The following STAU1 variants were observed in gnomAD, a reference collection of about 807,000 sequenced individuals.
The protein encoded by STAU1 is staufen double-stranded RNA binding protein 1.
A neutral mutation model predicts 62.9 loss-of-function variants in STAU1; 13 were observed. The ratio of observed to expected loss-of-function variants is 0.21; its 90% CI spans 0.13 to 0.33. The LOEUF is 0.33. Ranked by LOEUF, STAU1 falls within the 10% of genes least tolerant of loss-of-function variation. STAU1 has a pLI of 1.00. For missense variants in STAU1, 571 were observed against 712.1 expected, an observed-to-expected ratio of 0.80 and a Z score of 2.25; for synonymous variants, 269 against 265.1, an observed-to-expected ratio of 1.01 and a Z score of -0.14.
chr20:49,194,531 G>T, the STAU1 span, among the ~76,000 whole-genome samples: 2 of 151,566 alleles, frequency 1.3e-5, no homozygotes, highest in African/African-American at 4.8e-5. Flanking sequence ...GGCCAAGGTG[G>T]GAGGATTGCT....
upstream of STAU1, among the ~76,000 whole-genome samples, chr20:49,190,474 G>T (rs1157092205): frequency 6.6e-6 from 1 of 152,054 alleles, no homozygotes; most frequent in East Asian, 1.9e-4. Context: ...TATAGAGACA[G>T]GGTTTTACTA....
At chr20:49,142,199 G>C (rs923621114) in intron 5 of STAU1, among the ~76,000 whole-genome samples, 1 of 152,108 alleles carries the variant, frequency 6.6e-6, no homozygotes, top group African/African-American at 2.4e-5. Flanking sequence ...TGATTCTCCT[G>C]CCTCAGCCTC....
At chr20:49,146,629 G>A (rs1195832525) in intron 5 of STAU1, among the ~76,000 whole-genome samples, 1 of 151,754 alleles carries the variant, frequency 6.6e-6, no homozygotes, top group African/African-American at 2.4e-5. Flanking sequence ...CTAAGCCCAG[G>A]GAGGTCAAGG....
the STAU1 span, among the ~76,000 whole-genome samples, chr20:49,198,453 G>A: frequency 1.3e-5 from 2 of 152,126 alleles, no homozygotes; most frequent in African/African-American, 2.4e-5. Context: ...GTTGTAGTAA[G>A]CTGAGATCAT....
At chr20:49,155,241 C>T (rs2093339990) in intron 3 of STAU1, among the ~76,000 whole-genome samples, 1 of 152,108 alleles carries the variant, frequency 6.6e-6, no homozygotes, top group South Asian at 2.1e-4. Context: ...CACACAAGGC[C>T]CACAAAATAT....
At chr20:49,132,016 C>CA (rs1357664493) in intron 6 of STAU1, among the ~76,000 whole-genome samples, 1 of 151,318 alleles carries the variant, frequency 6.6e-6, no homozygotes, top group Non-Finnish European at 1.5e-5. Flanking sequence ...AGTGAGCCTC[C>CA]AAAATGGATG....
intron 3 of STAU1, among the ~76,000 whole-genome samples, chr20:49,162,429 G>A (rs1309093814): frequency 2.0e-5 from 3 of 152,114 alleles, no homozygotes; most frequent in Admixed American, 2.0e-4. Context: ...GGAATTGTGG[G>A]GGTGGCATGG....
rs368691127 is a variant in STAU1, at chr20:49,173,579, G to A, written c.-85+616C>T. On this transcript the variant is annotated intron_variant, in intron 2 of 13. Coordinates refer to ENST00000371856, the MANE Select transcript of STAU1 (RefSeq NM_017453.4). Reference sequence around the variant, plus strand: ...CCTCATCCTCAAAGTAGGTTAACTTGTCTACTAATTACTACCTCAGAGATA... The same window carrying A: ...CCTCATCCTCAAAGTAGGTTAACTTATCTACTAATTACTACCTCAGAGATA... Among the ~76,000 whole-genome samples, 15 of 151,844 alleles carry A rather than the reference G, an allele frequency of 9.9e-5. 1 individual carries two copies. The highest frequency in any genetic ancestry group is 8.3e-4 in the South Asian group (4 of 4,824).
At chr20:49,140,216 G>T (rs1047117891) in intron 5 of STAU1, among the ~76,000 whole-genome samples, 1 of 151,536 alleles carries the variant, frequency 6.6e-6, no homozygotes, top group African/African-American at 2.4e-5. Flanking sequence ...AATAGAAAAT[G>T]TAAAATGGTA....
chr20:49,179,098 T>C (rs1869121501), intron 1 of STAU1: 1 of 131,380 alleles, frequency 7.6e-6, no homozygotes, highest in South Asian at 2.4e-4. Context: ...AAAAAAAAAA[T>C]TAGCCAGGCA....
the STAU1 span, among the ~76,000 whole-genome samples, chr20:49,208,650 C>T: frequency 0.11 from 15,954 of 149,780 alleles, 1,070 homozygotes; most frequent in Non-Finnish European, 0.15. Context: ...GACAGAGTCT[C>T]GCTCTGTCGC....
At position 49,166,128 on chromosome 20, in the gene STAU1, TG is replaced by T. The variant is rs1255595325; in HGVS notation, c.73del (p.Gln25SerfsTer8). On this transcript the variant is annotated frameshift_variant, in exon 3 of 14. Coordinates refer to ENST00000371856, the MANE Select transcript of STAU1 (RefSeq NM_017453.4). LOFTEE classifies it high-confidence loss of function. ...LSGSQILNKN[Q>X]SLLSQPLMSI... ...CATCAAAGGCTGTGAGAGAAGAGAC[TG>T]GTTCTTGTTCAGTATTTGGCTCCCT... is the stretch of plus-strand genomic sequence containing the variant. 1 of 1,614,202 alleles carries T rather than the reference TG, an allele frequency of 6.2e-7. No homozygotes were observed. Among genetic ancestry groups the T allele is most frequent in the South Asian group, 1.1e-5 (1 of 91,082 alleles).
intron 5 of STAU1, among the ~76,000 whole-genome samples, chr20:49,137,635 CTTATGT>C (rs1046316511): frequency 6.6e-6 from 1 of 151,806 alleles, no homozygotes; most frequent in African/African-American, 2.4e-5. Flanking sequence ...TGTGCATTTC[CTTATGT>C]TTATCAGGTA....
the STAU1 span, among the ~76,000 whole-genome samples, chr20:49,195,575 A>G: frequency 3.6e-5 from 5 of 137,162 alleles, 2 homozygotes; most frequent in Admixed American, 3.8e-4. Context: ...AGCAACAGAC[A>G]GTTCATGGGA....
intron 2 of STAU1, among the ~76,000 whole-genome samples, chr20:49,172,337 G>A (rs370747128): frequency 9.2e-5 from 14 of 152,072 alleles, no homozygotes; most frequent in South Asian, 2.1e-4. Context: ...TCAAGCTTCC[G>A]TCTCTCCTTC....
At chr20:49,143,568 G>A (rs972053997) in intron 5 of STAU1, among the ~76,000 whole-genome samples, 2 of 152,146 alleles carry the variant, frequency 1.3e-5, no homozygotes, top group South Asian at 4.1e-4. Flanking sequence ...ACTCCAGCTA[G>A]GGCGACAGAG....
At chr20:49,198,968 C>T in the STAU1 span, among the ~76,000 whole-genome samples, 66 of 149,394 alleles carry the variant, frequency 4.4e-4, no homozygotes, top group East Asian at 0.012. Flanking sequence ...ACCCCGTCCC[C>T]CTGCCCCCCC....
chr20:49,182,838 C>CAA (rs1180599599), intron 1 of STAU1, among the ~76,000 whole-genome samples: 5 of 58,864 alleles, frequency 8.5e-5, no homozygotes, highest in Admixed American at 3.6e-4. Flanking sequence ...GACTCCGTCT[C>CAA]AAAAAAAAAA....
rs565074346 is a variant in STAU1 at position 49,129,214 on chromosome 20, G to A, written c.610-4627C>T. Among the ~76,000 whole-genome samples, 22 of 150,854 alleles carry A rather than the reference G, an allele frequency of 1.5e-4. No individual in the cohort carries two copies. The East Asian group carries it at 4.1e-3, about 28-fold the overall frequency. ...AAGCTCAGTATTGCTAGTCTTCATG[G>A]AGATATATAAATTAAAACCACAACA... is the stretch of plus-strand genomic sequence containing the variant. On this transcript the variant is annotated intron_variant, in intron 6 of 13. Transcript: ENST00000371856.
Sources: allele counts gnomAD v4.1 joint callset (sites outside exome capture counted in the v4.1 genomes callset), GRCh38; gene constraint gnomAD v4.1.1; transcripts MANE v1.5; gene names NCBI Gene and HGNC (gene_info 2026-07-23, HGNC 2026-07-21).